Variants in RALGAPB observed in about 807,000 individuals in gnomAD.
RALGAPB encodes Ral GTPase activating protein non-catalytic subunit beta.
A neutral mutation model predicts 161.1 loss-of-function variants in RALGAPB; 25 were observed. The ratio of observed to expected loss-of-function variants is 0.16; its 90% CI spans 0.11 to 0.22. RALGAPB has a LOEUF of 0.22. Among genes scored for constraint, RALGAPB ranks in the 10% least tolerant of loss-of-function variants. The pLI is 1.00. For synonymous variants in RALGAPB, 629 were observed against 626.1 expected (o/e 1.00, Z -0.07); for missense variants, 1,391 against 1,815.2 (o/e 0.77, Z 4.25).
chr20:38,529,937 G>C (rs150785507), intron 13 of RALGAPB, among the ~76,000 whole-genome samples: 1 of 152,324 alleles, frequency 6.6e-6, no homozygotes, highest in African/African-American at 2.4e-5. Context: ...CGTCTCAACT[G>C]TTGGGCAGTT....
At chr20:38,501,024 G>A (rs1037311918) in intron 5 of RALGAPB, among the ~76,000 whole-genome samples, 1 of 152,214 alleles carries the variant, frequency 6.6e-6, no homozygotes, top group Admixed American at 6.5e-5. Flanking sequence ...TGTCTATAAC[G>A]TGAAAGTGCA....
chr20:38,522,474 A>G (rs1178878015), intron 10 of RALGAPB, among the ~76,000 whole-genome samples: 1 of 152,114 alleles, frequency 6.6e-6, no homozygotes, highest in Non-Finnish European at 1.5e-5. Context: ...TATCCCCACC[A>G]TTATACTTTA....
intron 25 of RALGAPB, among the ~76,000 whole-genome samples, chr20:38,566,566 G>A (rs936809900): frequency 5.3e-5 from 8 of 152,084 alleles, no homozygotes; most frequent in Non-Finnish European, 2.9e-5. Flanking sequence ...TGATATTTGG[G>A]GATTTTTTTG....
In RALGAPB at chr20:38,576,389, G is replaced by C. The variant is rs1020805076; in HGVS notation, c.*1422G>C. The C allele has an allele frequency of 6.6e-6, 1 of 152,566 alleles. No homozygotes were observed. The highest frequency in any genetic ancestry group is 1.5e-5 in the Non-Finnish European group (1 of 68,038). The allele number at this position is 152,566 out of a possible 1,614,324, so 9.5% of individuals were successfully genotyped here. A position where few individuals can be genotyped will look rare whatever the true frequency, so the allele number is the denominator to read the frequency against. ...TTTGATGTTTTGGTGGTTTACTTACGGAGTGGGGATAGTGTGAGACCTAAT... is the reference window on the plus strand; with the variant it reads ...TTTGATGTTTTGGTGGTTTACTTACCGAGTGGGGATAGTGTGAGACCTAAT... On this transcript the variant is annotated 3_prime_UTR_variant, in exon 30 of 30. Coordinates refer to ENST00000262879, the MANE Select transcript of RALGAPB (RefSeq NM_020336.4).
intron 13 of RALGAPB, among the ~76,000 whole-genome samples, chr20:38,530,642 G>A (rs951039478): frequency 6.7e-6 from 1 of 150,194 alleles, no homozygotes; most frequent in African/African-American, 2.5e-5. Context: ...TGTTGTCCAG[G>A]CTGGAGAGCA....
rs777169115 is a variant in RALGAPB, at chr20:38,539,804, G to A, written c.2408G>A (p.Arg803Gln). The A allele has an allele frequency of 4.0e-5, 64 of 1,613,714 alleles. No homozygotes were observed. The highest frequency in any genetic ancestry group is 3.3e-4 in the East Asian group (15 of 44,866). The stretch of plus-strand genomic sequence containing the variant: ...AAAGTGATGGTTGACTCAGGAGACC[G>A]GAAGCGAGCCATCAGTTCTGTGTGC... ...KVKVMVDSGD[R>Q]KRAISSVCTY... is the part of the protein sequence containing the mutation. Residue 803 changes from arginine (R) to glutamine (Q), a missense_variant, in exon 17 of 30, where the codon CGG becomes CAG. Arg to Gln is a conservative substitution (Grantham distance 43, BLOSUM62 1). Around this residue, in one of 3 missense-constraint regions of RALGAPB, gnomAD observed 946 missense variants for 1,257.2 expected, o/e 0.75. Coordinates refer to ENST00000262879, the MANE Select transcript of RALGAPB (RefSeq NM_020336.4).
chr20:38,482,971 C>T (rs953265222), intron 1 of RALGAPB, among the ~76,000 whole-genome samples: 3 of 152,248 alleles, frequency 2.0e-5, no homozygotes, highest in South Asian at 2.1e-4. Flanking sequence ...CACTGTAGCC[C>T]CAACACCAGG....
intron 2 of RALGAPB, among the ~76,000 whole-genome samples, chr20:38,492,070 G>A (rs560602873): frequency 1.3e-5 from 2 of 152,276 alleles, no homozygotes; most frequent in African/African-American, 4.8e-5. Context: ...TAGAATGGCT[G>A]GATTTATAAT....
At chr20:38,536,955 T>C (rs1177101264) in intron 16 of RALGAPB, among the ~76,000 whole-genome samples, 2 of 152,220 alleles carry the variant, frequency 1.3e-5, no homozygotes, top group African/African-American at 2.4e-5. Context: ...TTGTGAGACA[T>C]ACAGGACCAC....
intron 20 of RALGAPB, among the ~76,000 whole-genome samples, chr20:38,550,045 C>T (rs899329520): frequency 6.6e-6 from 1 of 152,016 alleles, no homozygotes; most frequent in African/African-American, 2.4e-5. Context: ...ATCGCAAGAA[C>T]AAAAAACCAA....
chr20:38,573,263 A>T (rs1323696950), intron 28 of RALGAPB, among the ~76,000 whole-genome samples: 1 of 152,076 alleles, frequency 6.6e-6, no homozygotes, highest in East Asian at 1.9e-4. Flanking sequence ...TTGGTAGATT[A>T]GCAAAGTTTA....
intron 28 of RALGAPB, among the ~76,000 whole-genome samples, chr20:38,572,769 TAAG>T (rs1040618829): frequency 3.3e-5 from 5 of 152,218 alleles, no homozygotes; most frequent in African/African-American, 7.2e-5. Flanking sequence ...ATCTGAAAAG[TAAG>T]AAACTTTTCA....
intron 1 of RALGAPB, among the ~76,000 whole-genome samples, chr20:38,486,366 C>T (rs1166170019): frequency 1.3e-5 from 2 of 152,138 alleles, no homozygotes; most frequent in Non-Finnish European, 1.5e-5. Context: ...AAATTTCTTA[C>T]ATTTAAAAAC....
intron 16 of RALGAPB, among the ~76,000 whole-genome samples, chr20:38,536,705 G>T (rs1022385976): frequency 6.6e-6 from 1 of 152,140 alleles, no homozygotes; most frequent in Admixed American, 6.5e-5. Flanking sequence ...AAAATATTTT[G>T]TGAACAAAGA....
At position 38,497,489 on chromosome 20, in the gene RALGAPB, A is replaced by C; in HGVS notation, c.526A>C (p.Ile176Leu). 1 of 1,613,878 alleles carries C rather than the reference A, an allele frequency of 6.2e-7. No individual in the cohort carries two copies. The change falls in exon 4 of 30, where the codon ATA (isoleucine) becomes CTA (leucine). Residue 176 changes from isoleucine (I) to leucine (L), a missense_variant. By Grantham distance (5) the Ile-to-Leu change is conservative. This residue lies in a region of RALGAPB where 946 missense variants were observed against 1,257.2 expected (regional missense o/e 0.75). Coordinates refer to ENST00000262879, the MANE Select transcript of RALGAPB (RefSeq NM_020336.4). ...LLLFLLQIND[I>L]LLAPPTVQGG... ...GTTGTTTCTTCTGCAGATTAACGACATACTTCTGGCCCCACCAACTGTTCA... is the reference window on the plus strand; with the variant it reads ...GTTGTTTCTTCTGCAGATTAACGACCTACTTCTGGCCCCACCAACTGTTCA...
chr20:38,495,414 G>A (rs1305622884), intron 3 of RALGAPB, among the ~76,000 whole-genome samples: 1 of 152,068 alleles, frequency 6.6e-6, no homozygotes, highest in Non-Finnish European at 1.5e-5. Flanking sequence ...TCTGAAGCAG[G>A]GTTAGCAAAG....
chr20:38,551,451 G>A (rs1351402593), intron 21 of RALGAPB, among the ~76,000 whole-genome samples: 1 of 152,130 alleles, frequency 6.6e-6, no homozygotes, highest in African/African-American at 2.4e-5. Flanking sequence ...TTCGTGGTAG[G>A]TTTCAGTACT....
At chr20:38,548,527 G>A (rs1247507521) in intron 19 of RALGAPB, among the ~76,000 whole-genome samples, 162 bp from the exon 20 acceptor site, 2 of 152,216 alleles carry the variant, frequency 1.3e-5, no homozygotes, top group African/African-American at 2.4e-5. Flanking sequence ...TACAGTACAC[G>A]GGTATGGGTA....
intron 28 of RALGAPB, among the ~76,000 whole-genome samples, chr20:38,571,772 G>A (rs987641395): frequency 6.6e-6 from 1 of 152,142 alleles, no homozygotes; most frequent in African/African-American, 2.4e-5. Flanking sequence ...ATTTGTTGAG[G>A]AACCATACTG....
Sources: gnomAD v4.1 joint callset for allele counts (sites outside exome capture counted in the v4.1 genomes callset) on GRCh38, gnomAD v4.1.1 for gene constraint, gnomAD v4.1.1 regional missense constraint, MANE v1.5 for transcripts, NCBI Gene and HGNC (gene_info 2026-07-23, HGNC 2026-07-21) for gene names.